GPD2: variants seen among roughly 807,000 people sequenced by gnomAD.
GPD2 encodes glycerol-3-phosphate dehydrogenase, mitochondrial.
GPD2 carries 54 observed loss-of-function variants against 82.4 expected under a neutral mutation model. That is an observed-to-expected ratio of 0.66 (90% CI 0.53 to 0.82). The LOEUF (loss-of-function observed/expected upper bound fraction) is 0.82. Ranked by LOEUF, GPD2 falls within the 40% of genes least tolerant of loss-of-function variation. GPD2 has a pLI of 0.00. For missense variants in GPD2, 748 were observed against 896.2 expected (o/e 0.83, Z 2.11); for synonymous variants, 288 against 306.1 (o/e 0.94, Z 0.62).
chr2:156,411,535 T>G, the GPD2 span, among the ~76,000 whole-genome samples: 2 of 152,048 alleles, frequency 1.3e-5, no homozygotes, highest in Non-Finnish European at 1.5e-5. Flanking sequence ...AGGCTTGTCT[T>G]AAACTCCTGA....
the GPD2 span, among the ~76,000 whole-genome samples, chr2:156,415,713 G>T: frequency 1.0e-3 from 158 of 152,042 alleles, no homozygotes; most frequent in Non-Finnish European, 1.4e-3. Flanking sequence ...AAATTAGCCG[G>T]GTGTGGTGGC....
At chr2:156,466,328 T>TTGTA (rs1683147680) in intron 1 of GPD2, among the ~76,000 whole-genome samples, 1 of 152,156 alleles carries the variant, frequency 6.6e-6, no homozygotes. Flanking sequence ...TTTATAGCAA[T>TTGTA]TGTATGGAAA....
At chr2:156,466,210 G>T (rs1486582541) in intron 1 of GPD2, among the ~76,000 whole-genome samples, 1 of 152,200 alleles carries the variant, frequency 6.6e-6, no homozygotes, top group South Asian at 2.1e-4. Flanking sequence ...ACACAAATCC[G>T]TGAATATATC....
intron 9 of GPD2, among the ~76,000 whole-genome samples, chr2:156,562,857 T>C (rs1334205714): frequency 1.3e-5 from 2 of 152,218 alleles, no homozygotes; most frequent in Non-Finnish European, 1.5e-5. Flanking sequence ...TTTTTGGGAA[T>C]GTAATACAAA....
intron 7 of GPD2, 59 bp from the exon 8 acceptor site, chr2:156,550,543 C>T (rs1331111022): frequency 3.2e-6 from 5 of 1,540,620 alleles, no homozygotes; most frequent in Non-Finnish European, 4.5e-6. Flanking sequence ...TAGTAATACA[C>T]AGCATCCGTT....
At chr2:156,478,305 A>C (rs1303602421) in intron 2 of GPD2, among the ~76,000 whole-genome samples, 1 of 152,190 alleles carries the variant, frequency 6.6e-6, no homozygotes, top group Non-Finnish European at 1.5e-5. Context: ...AATGGATAGC[A>C]GCAGCTTGAA....
intron 1 of GPD2, among the ~76,000 whole-genome samples, chr2:156,460,023 A>C (rs1047269600): frequency 4.6e-5 from 7 of 152,184 alleles, no homozygotes; most frequent in African/African-American, 1.7e-4. Context: ...CCACTTAGTC[A>C]CTTGCCTCCT....
intron 6 of GPD2, among the ~76,000 whole-genome samples, chr2:156,538,433 G>A (rs1686163501): frequency 6.6e-6 from 1 of 151,454 alleles, no homozygotes; most frequent in African/African-American, 2.4e-5. Flanking sequence ...TCATTCCTAT[G>A]AGAAGTGAAA....
chr2:156,547,219 A>G (rs1686575659), intron 6 of GPD2, among the ~76,000 whole-genome samples: 1 of 152,180 alleles, frequency 6.6e-6, no homozygotes, highest in African/African-American at 2.4e-5. Context: ...AAGACTATTT[A>G]AAAAGGTGTA....
chr2:156,494,245 T>G (rs1684289944), intron 2 of GPD2, among the ~76,000 whole-genome samples: 1 of 152,208 alleles, frequency 6.6e-6, no homozygotes, highest in Non-Finnish European at 1.5e-5. Flanking sequence ...AAAGATCAAA[T>G]TATTTAACAG....
the GPD2 span, among the ~76,000 whole-genome samples, chr2:156,402,695 A>G: frequency 6.6e-6 from 1 of 151,844 alleles, no homozygotes; most frequent in East Asian, 1.9e-4. Flanking sequence ...TTTATTGGAG[A>G]GAAGAGAGAG....
chr2:156,438,325 T>G (rs1157802467), intron 1 of GPD2, among the ~76,000 whole-genome samples: 1 of 152,220 alleles, frequency 6.6e-6, no homozygotes, highest in Non-Finnish European at 1.5e-5. Flanking sequence ...TTGCTAGCAA[T>G]GTACCTGGCA....
intron 2 of GPD2, among the ~76,000 whole-genome samples, chr2:156,486,502 T>G (rs1463796513): frequency 6.6e-6 from 1 of 152,222 alleles, no homozygotes; most frequent in Non-Finnish European, 1.5e-5. Context: ...AAGGCCTCTT[T>G]AAAAACTTTT....
intron 16 of GPD2, among the ~76,000 whole-genome samples, 197 bp downstream of exon 16, chr2:156,579,985 CT>C (rs1366700559): frequency 6.6e-6 from 1 of 152,090 alleles, no homozygotes; most frequent in African/African-American, 2.4e-5. Context: ...TATTCTTTTC[CT>C]TTTTTTGTAT....
chr2:156,476,441 G>A (rs927355807), intron 2 of GPD2, among the ~76,000 whole-genome samples: 1 of 152,084 alleles, frequency 6.6e-6, no homozygotes, highest in Non-Finnish European at 1.5e-5. Context: ...CCTGTGTTTT[G>A]GCTCTTTGGT....
At position 156,533,896 on chromosome 2, in the gene GPD2, C is replaced by T. The variant is rs775618811; in HGVS notation, c.662-15712C>T. Among the ~76,000 whole-genome samples the T allele has an allele frequency of 5.3e-5, 8 of 152,198 alleles. 1 individual carries two copies. The highest frequency in any genetic ancestry group is 4.1e-4 in the South Asian group (2 of 4,836). ...GCTTTTGGGCTCCAGCCCACGGTAG[C>T]GTCTAGGGGTGGGTGTCTGTGACTC... On this transcript the variant is annotated intron_variant, in intron 6 of 16. Transcript: ENST00000438166.
chr2:156,515,093 T>C (rs1685151037), intron 6 of GPD2, among the ~76,000 whole-genome samples: 1 of 152,176 alleles, frequency 6.6e-6, no homozygotes, highest in Non-Finnish European at 1.5e-5. Flanking sequence ...ATTTGTAAGC[T>C]TGTCAATATC....
the GPD2 span, among the ~76,000 whole-genome samples, chr2:156,406,217 C>T: frequency 1.3e-5 from 2 of 152,034 alleles, no homozygotes; most frequent in Non-Finnish European, 2.9e-5. Context: ...CAAGTAGTAC[C>T]CTAAGGCCTA....
chr2:156,458,690 A>T (rs1267904330), intron 1 of GPD2, among the ~76,000 whole-genome samples: 1 of 152,204 alleles, frequency 6.6e-6, no homozygotes, highest in Non-Finnish European at 1.5e-5. Context: ...CAGGAAAATC[A>T]CTCAAGTAAT....
Sources: gnomAD v4.1 joint callset for allele counts (sites outside exome capture counted in the v4.1 genomes callset) on GRCh38, gnomAD v4.1.1 for gene constraint, MANE v1.5 for transcripts, NCBI Gene and HGNC (gene_info 2026-07-23, HGNC 2026-07-21) for gene names.